Variants in SUCO observed in about 807,000 individuals in gnomAD.
SUCO encodes SUN domain-containing ossification factor.
Under a neutral mutation model 148.1 loss-of-function variants are expected in SUCO, and 57 were observed. That is an observed-to-expected ratio of 0.38 (90% CI 0.31 to 0.48). SUCO has a LOEUF of 0.48. Ranked by LOEUF, SUCO falls within the 20% of genes least tolerant of loss-of-function variation. The pLI, the probability that SUCO is intolerant of heterozygous loss-of-function variation, is 0.96. For synonymous variants in SUCO, 470 were observed against 502.7 expected (o/e 0.93, Z 0.87); for missense variants, 1,331 against 1,468.2 (o/e 0.91, Z 1.53).
At chr1:172,609,578 A>G (rs964559549) in intron 23 of SUCO, 20 of 984,836 alleles carry the variant, frequency 2.0e-5, no homozygotes, top group Non-Finnish European at 2.3e-5. Context: ...CCCTAAACCT[A>G]TATTCATAGG....
At position 172,610,151 on chromosome 1, in the gene SUCO, A is replaced by G. The variant is rs1482197978; in HGVS notation, c.3657A>G (p.Leu1219=). The G allele has an allele frequency of 1.3e-5, 21 of 1,613,574 alleles. No individual in the cohort carries two copies. The highest frequency in any genetic ancestry group is 8.9e-5 in the East Asian group (4 of 44,876). Residue 1219 remains leucine, a synonymous_variant, in exon 24 of 24, where the codon CTA becomes CTG. Coordinates refer to ENST00000263688, the MANE Select transcript of SUCO (RefSeq NM_014283.5). ...ACCAAGGAAAATTGATAAAAACTCT[A>G]ATACAGACTAAGTCGGGATCATTGC... ...VQDQGKLIKT[L]IQTKSGSLPS...
At chr1:172,595,490 C>CA (rs1657027447) in intron 19 of SUCO, among the ~76,000 whole-genome samples, 1 of 151,690 alleles carries the variant, frequency 6.6e-6, no homozygotes, top group African/African-American at 2.4e-5. Context: ...GACAAAATCT[C>CA]ACGTTTGCTT....
chr1:172,560,265 G>C (rs538521075), intron 6 of SUCO, among the ~76,000 whole-genome samples: 18 of 152,336 alleles, frequency 1.2e-4, no homozygotes, highest in Admixed American at 3.9e-4. Flanking sequence ...GTTGAGACTT[G>C]CGAAGGCAGT....
At chr1:172,608,653 A>T (rs1223430708) in intron 22 of SUCO, 94 bp from the exon 23 acceptor site, 1 of 835,178 alleles carries the variant, frequency 1.2e-6, no homozygotes, top group African/African-American at 1.7e-5. Context: ...ATAATAAGGA[A>T]TGAATGATTT....
chr1:172,534,883 C>G lies in SUCO; in HGVS notation c.62+1386C>G, dbSNP rs191395008. 2.1e-4 allele frequency among the ~76,000 whole-genome samples: 32 copies of G among 152,296 alleles called. No individual in the cohort carries two copies. The East Asian group carries it at 3.9e-3, about 18-fold the overall frequency. ...ATCTTTAAACCATGTTATTCATCAT[C>G]AAAAGTTTCTGAAATGGCTAATAAG... On this transcript the variant is annotated intron_variant, in intron 1 of 23. Coordinates refer to ENST00000263688, the MANE Select transcript of SUCO (RefSeq NM_014283.5).
chr1:172,543,072 C>T (rs1271857111), intron 1 of SUCO: 1 of 947,006 alleles, frequency 1.1e-6, no homozygotes, highest in East Asian at 1.2e-4. Flanking sequence ...AGAGTAGCTT[C>T]ATACTTGTAT....
Position 172,579,197 on chromosome 1 carries a change from AAC to A in SUCO, c.1433-3_1433-2del. On this transcript the variant is annotated splice_polypyrimidine_tract_variant and splice_region_variant and intron_variant, in intron 14 of 23. Coordinates refer to ENST00000263688, the MANE Select transcript of SUCO (RefSeq NM_014283.5). ...CATAATTACTTTTATTTTCGTTTTTAACAGATTATCCACTGGATTATAATACT... is the reference window on the plus strand; with the variant it reads ...CATAATTACTTTTATTTTCGTTTTTAAGATTATCCACTGGATTATAATACT... 1 of 1,555,168 alleles carries A rather than the reference AAC, an allele frequency of 6.4e-7. No individual in the cohort carries two copies. Among genetic ancestry groups the A allele is most frequent in the Non-Finnish European group, 8.9e-7 (1 of 1,129,632 alleles).
chr1:172,551,458 T>C, intron 1 of SUCO, 54 bp from the exon 2 acceptor site: 6 of 1,196,540 alleles, frequency 5.0e-6, no homozygotes, highest in Non-Finnish European at 7.2e-6. Context: ...CAACTTTTCT[T>C]CTTTCTTTCT....
intron 22 of SUCO, among the ~76,000 whole-genome samples, chr1:172,603,725 C>T (rs1657678492): frequency 6.6e-6 from 1 of 151,922 alleles, no homozygotes; most frequent in Non-Finnish European, 1.5e-5. Context: ...AGAAGTAGAA[C>T]ATGAGCACCT....
chr1:172,606,416 G>A (rs1292329650), intron 22 of SUCO, among the ~76,000 whole-genome samples: 1 of 151,530 alleles, frequency 6.6e-6, no homozygotes, highest in Non-Finnish European at 1.5e-5. Flanking sequence ...GAAGTCAGAA[G>A]TATTAATGTT....
chr1:172,532,860 A>T (rs575134957), upstream of SUCO: 5,183 of 1,526,652 alleles, frequency 3.4e-3, 9 homozygotes, highest in Non-Finnish European at 4.2e-3. Flanking sequence ...TCTGAACGCA[A>T]GCCAGCAAGT....
chr1:172,591,450 C>T (rs7526530), intron 19 of SUCO, among the ~76,000 whole-genome samples: 6,075 of 116,132 alleles, frequency 0.052, 497 homozygotes, highest in African/African-American at 0.18. Flanking sequence ...CCACAACAGG[C>T]CCTGGTGTGT....
intron 10 of SUCO, chr1:172,574,851 G>C: frequency 1.0e-6 from 1 of 984,074 alleles, no homozygotes; most frequent in Non-Finnish European, 1.2e-6. Context: ...TTTTGAAATC[G>C]GTTCTCAAGA....
chr1:172,598,630 C>T (rs570659849), intron 19 of SUCO, among the ~76,000 whole-genome samples: 5 of 152,286 alleles, frequency 3.3e-5, no homozygotes, highest in Non-Finnish European at 7.4e-5. Context: ...TTTCTCTTTG[C>T]TGATATGTAG....
chr1:172,568,305 T>TTGCCCCC, intron 6 of SUCO: 4 of 905,986 alleles, frequency 4.4e-6, no homozygotes, highest in South Asian at 5.1e-5. Flanking sequence ...ATTCTTTGCT[T>TTGCCCCC]CCCACCCACC....
intron 7 of SUCO, 40 bp from the exon 8 acceptor site, chr1:172,570,007 A>C (rs1410177483): frequency 2.3e-6 from 3 of 1,324,760 alleles, no homozygotes; most frequent in Non-Finnish European, 1.9e-6. Flanking sequence ...ATAATCATCA[A>C]ATATATATAT....
intron 6 of SUCO, among the ~76,000 whole-genome samples, chr1:172,563,838 C>T (rs1387796895): frequency 6.6e-6 from 1 of 152,216 alleles, no homozygotes; most frequent in African/African-American, 2.4e-5. Flanking sequence ...CCCCTCCCAT[C>T]GCAGGCCAGG....
At chr1:172,571,365 A>G (rs1356959847) in intron 9 of SUCO, among the ~76,000 whole-genome samples, 3 of 152,098 alleles carry the variant, frequency 2.0e-5, no homozygotes, top group South Asian at 4.1e-4. Context: ...TCAGTGCTCA[A>G]TGGTGCCCAG....
intron 1 of SUCO, among the ~76,000 whole-genome samples, chr1:172,537,493 C>T (rs991266926): frequency 1.3e-5 from 2 of 151,982 alleles, no homozygotes; most frequent in Admixed American, 1.3e-4. Flanking sequence ...AAGCTGCTTC[C>T]CGATGTTGTG....
Sources: allele counts gnomAD v4.1 joint callset (sites outside exome capture counted in the v4.1 genomes callset), GRCh38; gene constraint gnomAD v4.1.1; transcripts MANE v1.5; gene names NCBI Gene and HGNC (gene_info 2026-07-23, HGNC 2026-07-21).